Variants in STEAP4 observed in about 807,000 individuals in gnomAD.
STEAP4 encodes the protein metalloreductase STEAP4.
In STEAP4, 36 loss-of-function variants were observed where a neutral mutation model predicts 43.6. The observed-to-expected ratio is 0.83, with a 90% CI of 0.63 to 1.09. STEAP4 has a LOEUF of 1.09. Among genes scored for constraint, STEAP4 ranks in the 50% least tolerant of loss-of-function variants. The pLI, the probability that STEAP4 is intolerant of heterozygous loss-of-function variation, is 0.00. For synonymous variants in STEAP4, 191 were observed against 196.7 expected (o/e 0.97, Z 0.24); for missense variants, 495 against 546.5 (o/e 0.91, Z 0.94).
intron 1 of STEAP4, among the ~76,000 whole-genome samples, chr7:88,300,473 C>G (rs1853013646): frequency 6.6e-6 from 1 of 152,126 alleles, no homozygotes. Flanking sequence ...CCTCCACATC[C>G]CCTATGCCAC....
intron 1 of STEAP4, chr7:88,290,841 C>T (rs1387634733): frequency 6.6e-6 from 1 of 151,386 alleles, no homozygotes; most frequent in Admixed American, 6.6e-5. Context: ...CTGCTGCACT[C>T]TTCTGCAGTG....
At chr7:88,296,490 C>T (rs904665928) in intron 1 of STEAP4, among the ~76,000 whole-genome samples, 1 of 151,880 alleles carries the variant, frequency 6.6e-6, no homozygotes, top group African/African-American at 2.4e-5. Flanking sequence ...TTTTTAAAGT[C>T]CTTCCTTCTG....
At chr7:88,281,801 C>T (rs909253770) in intron 3 of STEAP4, 1 of 152,176 alleles carries the variant, frequency 6.6e-6, no homozygotes, top group Non-Finnish European at 1.5e-5. Flanking sequence ...GATATTTGCT[C>T]AGAATTATTT....
intron 1 of STEAP4, among the ~76,000 whole-genome samples, chr7:88,300,792 T>C (rs1853019525): frequency 6.6e-6 from 1 of 152,236 alleles, no homozygotes; most frequent in African/African-American, 2.4e-5. Context: ...TTTGGGCTGA[T>C]GGGATAATAC....
Position 88,271,444 on chromosome 7 carries a change from A to G in STEAP4, c.*7954T>C, listed in dbSNP as rs529814626. The G allele has an allele frequency of 6.6e-6, 1 of 152,214 alleles. No individual in the cohort carries two copies. Among genetic ancestry groups the G allele is most frequent in the Admixed American group, 6.5e-5 (1 of 15,288 alleles). The allele number at this position is 152,214 out of a possible 1,614,324, so 9.4% of individuals were successfully genotyped here. On this transcript the variant is annotated 3_prime_UTR_variant, in exon 5 of 5. Transcript: ENST00000380079. ...TTTTGTACCTTTTTAAAAACTGAAC[A>G]GTATATTTTGGACATCTTTCCATAT...
At chr7:88,281,483 T>A (rs997768328) in intron 3 of STEAP4, 1 of 156,668 alleles carries the variant, frequency 6.4e-6, no homozygotes, top group Admixed American at 6.5e-5. Context: ...CTTTCATGTT[T>A]ATTATACATG....
At position 88,278,266 on chromosome 7, in the gene STEAP4, G is replaced by C. The variant is rs1273948378; in HGVS notation, c.*1132C>G. 6.6e-6 allele frequency: 1 copy of C among 152,112 alleles called. No individual in the cohort carries two copies. Among genetic ancestry groups the C allele is most frequent in the Admixed American group, 6.6e-5 (1 of 15,264 alleles). 9.4% of individuals were successfully genotyped at this position (152,112 alleles called of 1,614,324 possible). A position where few individuals can be genotyped will look rare whatever the true frequency, so the allele number is the denominator to read the frequency against. Reference sequence around the variant, plus strand: ...TGAGAACCATCCTAAATTTCAGCAAGGATTTGAGAAAGATCCAAATTTCAC... The same window carrying C: ...TGAGAACCATCCTAAATTTCAGCAACGATTTGAGAAAGATCCAAATTTCAC... On this transcript the variant is annotated 3_prime_UTR_variant, in exon 5 of 5. Coordinates refer to ENST00000380079, the MANE Select transcript of STEAP4 (RefSeq NM_024636.4).
chr7:88,296,688 T>C (rs1450749371), intron 1 of STEAP4, among the ~76,000 whole-genome samples: 1 of 151,996 alleles, frequency 6.6e-6, no homozygotes, highest in Non-Finnish European at 1.5e-5. Flanking sequence ...CAGGGACAAT[T>C]AGAAAGCAAA....
At chr7:88,303,208 A>ACAAT (rs1554544063) in intron 1 of STEAP4, among the ~76,000 whole-genome samples, 1,773 of 144,220 alleles carry the variant, frequency 0.012, 21 homozygotes, top group Non-Finnish European at 0.02. Flanking sequence ...AAAAAAAAAA[A>ACAAT]ACTCCAACCG....
intron 1 of STEAP4, among the ~76,000 whole-genome samples, chr7:88,288,551 G>A (rs1852779047): frequency 6.6e-6 from 1 of 152,130 alleles, no homozygotes. Flanking sequence ...TAGAGGGGAA[G>A]GTCCTCTTCC....
intron 1 of STEAP4, among the ~76,000 whole-genome samples, chr7:88,294,596 G>T (rs916111747): frequency 1.3e-5 from 2 of 151,984 alleles, no homozygotes; most frequent in African/African-American, 2.4e-5. Flanking sequence ...TGGTCCCTTT[G>T]TCCCTCCCAT....
At chr7:88,291,529 C>G (rs76444083) in intron 1 of STEAP4, among the ~76,000 whole-genome samples, 2 of 150,806 alleles carry the variant, frequency 1.3e-5, no homozygotes, top group Non-Finnish European at 3.0e-5. Context: ...GATATATGCA[C>G]ACTCTCAACC....
intron 1 of STEAP4, chr7:88,290,302 T>C (rs1852814630): frequency 6.6e-6 from 1 of 152,184 alleles, no homozygotes; most frequent in Admixed American, 6.5e-5. Flanking sequence ...CAATGTCACC[T>C]TGAGAAAGTT....
intron 1 of STEAP4, among the ~76,000 whole-genome samples, chr7:88,302,438 C>T (rs752824181): frequency 6.6e-6 from 1 of 152,118 alleles, no homozygotes; most frequent in Non-Finnish European, 1.5e-5. Flanking sequence ...TGCCAGGAAG[C>T]GGAACAAGTA....
chr7:88,306,115 G>A (rs749742305), intron 1 of STEAP4, among the ~76,000 whole-genome samples: 4 of 152,090 alleles, frequency 2.6e-5, no homozygotes, highest in Non-Finnish European at 5.9e-5. Flanking sequence ...GTGATCCATC[G>A]GCCTTGGCCT....
chr7:88,294,033 C>T (rs1354015759), intron 1 of STEAP4, among the ~76,000 whole-genome samples: 2 of 151,952 alleles, frequency 1.3e-5, no homozygotes, highest in Non-Finnish European at 2.9e-5. Context: ...CAATGCAAAG[C>T]AGTTCATGTT....
At position 88,271,757 on chromosome 7, in the gene STEAP4, C is replaced by T. The variant is rs746803979; in HGVS notation, c.*7641G>A. On this transcript the variant is annotated 3_prime_UTR_variant, in exon 5 of 5. Coordinates refer to ENST00000380079, the MANE Select transcript of STEAP4 (RefSeq NM_024636.4). ...TTGAAAGATATTCCCTAACTGCTCTCCACAGGAGCGGTCCTAATCTGCATA... is the reference window on the plus strand; with the variant it reads ...TTGAAAGATATTCCCTAACTGCTCTTCACAGGAGCGGTCCTAATCTGCATA... The T allele has an allele frequency of 2.6e-5, 4 of 152,212 alleles. No individual in the cohort carries two copies. The highest frequency in any genetic ancestry group is 5.9e-5 in the Non-Finnish European group (4 of 68,034). The allele number at this position is 152,212 out of a possible 1,614,324, so 9.4% of individuals were successfully genotyped here.
intron 2 of STEAP4, chr7:88,283,446 T>C (rs956007733): frequency 2.1e-6 from 1 of 482,490 alleles, no homozygotes. Flanking sequence ...TGATCTTCTG[T>C]GTTTGTGGTG....
intron 1 of STEAP4, among the ~76,000 whole-genome samples, chr7:88,293,586 A>G (rs1852876688): frequency 6.6e-6 from 1 of 152,148 alleles, no homozygotes; most frequent in South Asian, 2.1e-4. Context: ...TTATAAGTCT[A>G]TGATCCATTT....
Sources: allele counts gnomAD v4.1 joint callset (sites outside exome capture counted in the v4.1 genomes callset), GRCh38; gene constraint gnomAD v4.1.1; transcripts MANE v1.5; gene names NCBI Gene and HGNC (gene_info 2026-07-23, HGNC 2026-07-21).